The following ERO1B variants were observed in gnomAD, a reference collection of about 807,000 sequenced individuals.
The protein encoded by ERO1B is endoplasmic reticulum oxidoreductase 1 beta.
ERO1B carries 49 observed loss-of-function variants against 75.3 expected under a neutral mutation model. The observed-to-expected ratio is 0.65, with a 90% CI of 0.52 to 0.83. The LOEUF is 0.83. Ranked by LOEUF, ERO1B falls within the 40% of genes least tolerant of loss-of-function variation. ERO1B has a pLI of 0.00. For missense variants in ERO1B, 512 were observed against 560.1 expected (o/e 0.91, Z 0.87); for synonymous variants, 191 against 192.9 (o/e 0.99, Z 0.08).
intron 2 of ERO1B, among the ~76,000 whole-genome samples, chr1:236,257,791 G>A (rs1726649): frequency 0.25 from 37,082 of 150,164 alleles, 4,756 homozygotes; most frequent in East Asian, 0.38. Flanking sequence ...AAAAAATTCA[G>A]TAGAGGGGTC....
chr1:236,239,911 A>ATATATTTT lies in ERO1B; in HGVS notation c.505+3510_505+3511insAAAATATA. Among the ~76,000 whole-genome samples, 2 of 106,960 alleles carry ATATATTTT rather than the reference A, an allele frequency of 1.9e-5. 1 individual carries two copies. The highest frequency in any genetic ancestry group is 5.9e-4 in the South Asian group (2 of 3,380). 70.2% of individuals were successfully genotyped at this position (106,960 alleles called of 152,430 possible). On this transcript the variant is annotated intron_variant, in intron 6 of 15. Coordinates refer to ENST00000354619, the MANE Select transcript of ERO1B (RefSeq NM_019891.4). ...TGTGTGTATATATATATATATATAT[A>ATATATTTT]TTTTTTTTTTTTGCGATGAGGCTGA...
Position 236,233,047 on chromosome 1 carries a change from C to T in ERO1B, c.674-208G>A, listed in dbSNP as rs185190172. 5.2e-3 allele frequency among the ~76,000 whole-genome samples: 791 copies of T among 152,098 alleles called. 11 individuals are homozygous for T. Among genetic ancestry groups the T allele is most frequent in the African/African-American group, 0.017 (699 of 41,480 alleles). ...CATTTTGGCCAGGCGTGGTGGCTCA[C>T]GGCGGTAATCCCAGGACTTTGGGAG... On this transcript the variant is annotated intron_variant, in intron 8 of 15. Coordinates refer to ENST00000354619, the MANE Select transcript of ERO1B (RefSeq NM_019891.4).
intron 6 of ERO1B, among the ~76,000 whole-genome samples, chr1:236,239,491 G>A (rs755540064): frequency 2.0e-5 from 3 of 152,048 alleles, no homozygotes; most frequent in African/African-American, 4.8e-5. Context: ...TCCAGAGTGA[G>A]CAACGTGTGT....
In ERO1B at chr1:236,243,501, G is replaced by A. The variant is rs761122533; in HGVS notation, c.432-6C>T. ...AAGCTTCTTTGCTTTGATTACTATG[G>A]GAAGGAGGAATAAAAAAGAAAAATT... On this transcript the variant is annotated splice_polypyrimidine_tract_variant and splice_region_variant and intron_variant, in intron 5 of 15. Transcript: ENST00000354619. The A allele has an allele frequency of 5.0e-6, 8 of 1,584,588 alleles. No individual in the cohort carries two copies. In the Admixed American group the frequency reaches 1.4e-4, roughly 28 times the overall value.
chr1:236,272,509 T>C (rs937589039), intron 1 of ERO1B, among the ~76,000 whole-genome samples: 3 of 152,040 alleles, frequency 2.0e-5, no homozygotes, highest in Admixed American at 1.3e-4. Context: ...GAGCTAACAC[T>C]GAGTATACAT....
chr1:236,233,360 C>T (rs1664462293), intron 8 of ERO1B, among the ~76,000 whole-genome samples: 1 of 149,946 alleles, frequency 6.7e-6, no homozygotes, highest in Admixed American at 6.7e-5. Flanking sequence ...GCCTGTAATC[C>T]CAGCACTTTG....
intron 1 of ERO1B, among the ~76,000 whole-genome samples, chr1:236,280,311 C>T (rs1042129417): frequency 1.3e-5 from 2 of 152,342 alleles, no homozygotes; most frequent in South Asian, 4.1e-4. Context: ...AAACACTCAA[C>T]TAGTGACTAG....
chr1:236,280,979 C>T (rs898049556), intron 1 of ERO1B, among the ~76,000 whole-genome samples: 2 of 152,304 alleles, frequency 1.3e-5, no homozygotes, highest in East Asian at 3.9e-4. Context: ...CATCGCTTCA[C>T]ATCAACAACC....
intron 2 of ERO1B, among the ~76,000 whole-genome samples, chr1:236,267,054 G>A (rs1665459243): frequency 6.6e-6 from 1 of 152,180 alleles, no homozygotes; most frequent in Admixed American, 6.5e-5. Flanking sequence ...TTTTACTCAT[G>A]CAAATGAGAC....
chr1:236,281,358 T>C (rs11587363), intron 1 of ERO1B: 8,376 of 212,648 alleles, frequency 0.039, 239 homozygotes, highest in Non-Finnish European at 0.05. Flanking sequence ...AGGTGGTTCA[T>C]GCCCGTCCCA....
Position 236,218,550 on chromosome 1 carries a change from T to C in ERO1B, c.1370A>G (p.Gln457Arg). The C allele has an allele frequency of 7.1e-7, 1 of 1,406,506 alleles. No individual in the cohort carries two copies. The highest frequency in any genetic ancestry group is 9.4e-7 in the Non-Finnish European group (1 of 1,069,036). The allele number at this position is 1,406,506 out of a possible 1,614,324, so 87.1% of individuals were successfully genotyped here. A position where few individuals can be genotyped will look rare whatever the true frequency, so the allele number is the denominator to read the frequency against. Residue 457 changes from glutamine (Q) to arginine (R), a missense_variant, in exon 16 of 16, where the codon CAG becomes CGG. Gln to Arg is a conservative substitution (Grantham distance 43). Coordinates refer to ENST00000354619, the MANE Select transcript of ERO1B (RefSeq NM_019891.4). ...GTGTTGTAATAAGACTTTAAAATTC[T>C]GTAAGTCTCTTATACTTGTAGAAAG... The part of the protein sequence containing the change: ...GRLSTSIRDL[Q>R]NFKVLLQHSR
intron 13 of ERO1B, among the ~76,000 whole-genome samples, chr1:236,223,575 T>C (rs1726624): frequency 0.47 from 71,317 of 151,912 alleles, 17,457 homozygotes; most frequent in East Asian, 0.88. Flanking sequence ...TTGCAGCAGA[T>C]GGAAAAGGGA....
rs758392975 is a variant in ERO1B at position 236,252,081 on chromosome 1, G to A, written c.317C>T (p.Pro106Leu). 48 of 1,598,040 alleles carry A rather than the reference G, an allele frequency of 3.0e-5. No individual in the cohort carries two copies. The highest frequency in any genetic ancestry group is 3.4e-5 in the Admixed American group (2 of 58,408). Residue 106 changes from proline to leucine, a missense_variant, in exon 4 of 16, where the codon CCG (proline) becomes CTG (leucine). Coordinates refer to ENST00000354619, the MANE Select transcript of ERO1B (RefSeq NM_019891.4). ...AGAATGCCCAGCTTTTATTCCAACC[G>A]GAATTTTACTCTTAAAAAAACAAGA... Reference protein sequence around the residue: ...HVEPCPESKIPVGIKAGHSNK... With the variant: ...HVEPCPESKILVGIKAGHSNK...
chr1:236,248,918 T>A (rs2102954484), intron 5 of ERO1B, among the ~76,000 whole-genome samples: 1 of 152,278 alleles, frequency 6.6e-6, no homozygotes, highest in East Asian at 1.9e-4. Flanking sequence ...AGGATATGTA[T>A]GTGGGTGTTT....
intron 6 of ERO1B, among the ~76,000 whole-genome samples, chr1:236,239,841 A>ATATG (rs1558510865): frequency 2.3e-5 from 3 of 128,934 alleles, no homozygotes; most frequent in South Asian, 2.7e-4. Context: ...ATATGTGTAT[A>ATATG]TATATATGTG....
chr1:236,228,451 C>T (rs1422412721), intron 10 of ERO1B, among the ~76,000 whole-genome samples: 2 of 152,186 alleles, frequency 1.3e-5, no homozygotes, highest in East Asian at 3.8e-4. Flanking sequence ...TCTTTAATTA[C>T]CGAGGTCCAG....
rs1213127886 is a variant in ERO1B at position 236,226,400 on chromosome 1, G to A, written c.921C>T (p.Tyr307=). 3 of 1,614,020 alleles carry A rather than the reference G, an allele frequency of 1.9e-6. No homozygotes were observed. The African/African-American group carries it at 4.0e-5, about 22-fold the overall frequency. ...PRRLKNLYFL[Y]LIELRALSKV... ...TTGACAAAGCTCGAAGCTCAATCAA[G>A]TATAAAAAGTAAAGATTCTTGAGCC... Residue 307 remains tyrosine (Y), a synonymous_variant, in exon 12 of 16, where the codon TAC becomes TAT. Coordinates refer to ENST00000354619, the MANE Select transcript of ERO1B (RefSeq NM_019891.4).
intron 5 of ERO1B, among the ~76,000 whole-genome samples, chr1:236,243,795 A>C (rs1191839296): frequency 6.6e-6 from 1 of 152,200 alleles, no homozygotes; most frequent in Non-Finnish European, 1.5e-5. Flanking sequence ...AGTTAAACAC[A>C]AAACTCAAGC....
At chr1:236,246,016 TAC>T (rs1302755185) in intron 5 of ERO1B, among the ~76,000 whole-genome samples, 2 of 152,130 alleles carry the variant, frequency 1.3e-5, no homozygotes, top group Non-Finnish European at 2.9e-5. Context: ...AAAATCATAG[TAC>T]CAATCACTGG....
Sources: allele counts gnomAD v4.1 joint callset (sites outside exome capture counted in the v4.1 genomes callset), GRCh38; gene constraint gnomAD v4.1.1; transcripts MANE v1.5; gene names NCBI Gene and HGNC (gene_info 2026-07-23, HGNC 2026-07-21).